Variants in DDX17 observed in about 807,000 individuals in gnomAD.
DDX17 encodes the protein DEAD-box helicase 17.
A neutral mutation model predicts 80.8 loss-of-function variants in DDX17; 10 were observed. The ratio of observed to expected loss-of-function variants is 0.12; its 90% confidence interval spans 0.08 to 0.21. DDX17 has a LOEUF of 0.21. Ranked by LOEUF, DDX17 falls within the 10% of genes least tolerant of loss-of-function variation. The pLI, the probability that DDX17 is intolerant of heterozygous loss-of-function variation, is 1.00. For missense variants in DDX17, 586 were observed against 957.4 expected, an observed-to-expected ratio of 0.61 and a Z score of 5.12; for synonymous variants, 339 against 336.2, an observed-to-expected ratio of 1.01 and a Z score of -0.09.
rs2089880613 is a variant in DDX17, at chr22:38,506,090, G to A, written c.148C>T (p.Pro50Ser). Residue 50 changes from proline to serine, a missense_variant, in exon 1 of 13, where the codon CCG (proline) becomes TCG (serine). By Grantham distance (74) the Pro-to-Ser change is moderately conservative. Around this residue, in one of 4 missense-constraint regions of DDX17, gnomAD observed 215 missense variants for 238.4 expected, o/e 0.90. Coordinates refer to ENST00000403230, the MANE Select transcript of DDX17 (RefSeq NM_006386.5). ...TCCGGTCTGGTGACGACCGATGGCGGCGGCGCCTCCGCTGTTGGGGCGGCG... is the reference window on the plus strand; with the variant it reads ...TCCGGTCTGGTGACGACCGATGGCGACGGCGCCTCCGCTGTTGGGGCGGCG... 2 of 1,578,416 alleles carry A rather than the reference G, an allele frequency of 1.3e-6. No individual in the cohort carries two copies. Among genetic ancestry groups the A allele is most frequent in the African/African-American group, 1.4e-5 (1 of 74,004 alleles).
In DDX17 at chr22:38,486,427, A is replaced by T; in HGVS notation, c.1698T>A (p.Arg566=). Reference sequence around the variant, plus strand: ...TGTTGGCTGAAGAAGTGGTCCGGTAACGAGAACGACCACCTAATGGGAAGA... The same window carrying T: ...TGTTGGCTGAAGAAGTGGTCCGGTATCGAGAACGACCACCTAATGGGAAGA... Residue 566 remains arginine, a synonymous_variant, in exon 13 of 13, where the codon CGT becomes CGA. Coordinates refer to ENST00000403230, the MANE Select transcript of DDX17 (RefSeq NM_006386.5). The T allele has an allele frequency of 6.2e-7, 1 of 1,608,404 alleles. No homozygotes were observed. Among genetic ancestry groups the T allele is most frequent in the African/African-American group, 1.3e-5 (1 of 74,916 alleles).
chr22:38,489,069 A>G lies in DDX17; in HGVS notation c.1448-954T>C, dbSNP rs1425885332. On this transcript the variant is annotated intron_variant, in intron 11 of 12. Transcript: ENST00000403230. This position sits in a 1 kb window ranked among gnomAD's most constrained non-coding sequence, Gnocchi z 4.6. Reference sequence around the variant, plus strand: ...TGCTTTCAGCTGAATGTATATTTTTACCTACTTAAACAAACAATTTTAAGA... The same window carrying G: ...TGCTTTCAGCTGAATGTATATTTTTGCCTACTTAAACAAACAATTTTAAGA... 2.0e-6 allele frequency: 2 copies of G among 984,010 alleles called. No homozygotes were observed. The highest frequency in any genetic ancestry group is 9.4e-5 in the South Asian group (2 of 21,270). 61.0% of individuals were successfully genotyped at this position (984,010 alleles called of 1,614,324 possible).
intron 4 of DDX17, 121 bp downstream of exon 4, chr22:38,498,319 A>G (rs1049006265): frequency 2.1e-5 from 30 of 1,443,970 alleles, no homozygotes; most frequent in Non-Finnish European, 2.4e-5. Flanking sequence ...CATATATTTA[A>G]TAACTAAAAT....
chr22:38,487,887 C>T lies in DDX17; in HGVS notation c.1676G>A (p.Gly559Glu). The change falls in exon 12 of 13, where the codon GGA becomes GAA. Residue 559 changes from glycine to glutamate, a missense_variant. Coordinates refer to ENST00000403230, the MANE Select transcript of DDX17 (RefSeq NM_006386.5). ...CCAGGACTTACCCTTACCCCCGCCTCCGCCGCCTCCTCTGTGGTCCACAAG... is the reference window on the plus strand; with the variant it reads ...CCAGGACTTACCCTTACCCCCGCCTTCGCCGCCTCCTCTGTGGTCCACAAG... The T allele has an allele frequency of 6.2e-7, 1 of 1,614,178 alleles. No individual in the cohort carries two copies. The highest frequency in any genetic ancestry group is 8.5e-7 in the Non-Finnish European group (1 of 1,180,042).
Position 38,489,343 on chromosome 22 carries a change from C to T in DDX17, c.1448-1228G>A. Reference sequence around the variant, plus strand: ...GCCTTCTGACACGGGACCACTGGAGCGCGGGGAGCATGCATCAAGGGTCCG... The same window carrying T: ...GCCTTCTGACACGGGACCACTGGAGTGCGGGGAGCATGCATCAAGGGTCCG... On this transcript the variant is annotated intron_variant, in intron 11 of 12. Transcript: ENST00000403230. The surrounding 1 kb of genome is among the most constrained non-coding windows in gnomAD (Gnocchi z 4.6). 4.1e-6 allele frequency: 4 copies of T among 985,708 alleles called. No homozygotes were observed. The highest frequency in any genetic ancestry group is 4.8e-6 in the Non-Finnish European group (4 of 829,922). 61.1% of individuals were successfully genotyped at this position (985,708 alleles called of 1,614,324 possible). A position where few individuals can be genotyped will look rare whatever the true frequency, so the allele number is the denominator to read the frequency against.
rs138448 is a variant in DDX17 at position 38,497,297 on chromosome 22, C to CAAAAAAAA, written c.738+780_738+787dup. Among the ~76,000 whole-genome samples, 10 of 36,166 alleles carry CAAAAAAAA rather than the reference C, an allele frequency of 2.8e-4. 1 individual carries two copies. Among genetic ancestry groups the CAAAAAAAA allele is most frequent in the Admixed American group, 5.2e-4 (1 of 1,928 alleles). 23.7% of individuals were successfully genotyped at this position (36,166 alleles called of 152,430 possible). A position where few individuals can be genotyped will look rare whatever the true frequency, so the allele number is the denominator to read the frequency against. On this transcript the variant is annotated intron_variant, in intron 5 of 12. Coordinates refer to ENST00000403230, the MANE Select transcript of DDX17 (RefSeq NM_006386.5). ...GGCAACCAAGAGCGAAACTCCATCT[C>CAAAAAAAA]AAAAAAAAAAAAAAAAAAAAAAAAA...
chr22:38,501,023 A>G, intron 2 of DDX17, 107 bp downstream of exon 2: 1 of 1,374,836 alleles, frequency 7.3e-7, no homozygotes, highest in Non-Finnish European at 9.7e-7. Context: ...AAATATCACC[A>G]CACTAGAATA....
At position 38,505,727 on chromosome 22, in the gene DDX17, C is replaced by A. The variant is rs530886793; in HGVS notation, c.287+224G>T. The A allele has an allele frequency of 1.1e-5, 6 of 539,168 alleles. No individual in the cohort carries two copies. The South Asian group carries it at 1.6e-4, about 14-fold the overall frequency. The allele number at this position is 539,168 out of a possible 1,614,324, so 33.4% of individuals were successfully genotyped here. On this transcript the variant is annotated intron_variant, in intron 1 of 12. Coordinates refer to ENST00000403230, the MANE Select transcript of DDX17 (RefSeq NM_006386.5). ...TGGGGCCGGGCCGCGCCACGACGGC[C>A]GTCCGCACGGAGAGGCCCAGCGTCG...
chr22:38,496,816 G>A (rs1402091175), intron 5 of DDX17, among the ~76,000 whole-genome samples: 3 of 151,964 alleles, frequency 2.0e-5, no homozygotes, highest in African/African-American at 7.3e-5. Flanking sequence ...AAAAATCAAG[G>A]TATCATATAC....
intron 1 of DDX17, 77 bp downstream of exon 1, chr22:38,505,874 C>T (rs1602690226): frequency 6.7e-7 from 1 of 1,492,310 alleles, no homozygotes; most frequent in Non-Finnish European, 9.0e-7. Context: ...CTCCCAGGCT[C>T]GCAGTCCGCC....
At chr22:38,488,423 C>G in intron 11 of DDX17, 1 of 1,240,504 alleles carries the variant, frequency 8.1e-7, no homozygotes, top group African/African-American at 1.5e-5. Context: ...AGGAGTTACA[C>G]CAATATTGGT....
chr22:38,503,639 G>A (rs2089852269), intron 1 of DDX17, among the ~76,000 whole-genome samples: 2 of 152,092 alleles, frequency 1.3e-5, no homozygotes, highest in South Asian at 2.1e-4. Context: ...GTACTCTCTG[G>A]TATACTATGC....
At chr22:38,505,002 G>A (rs1005608801) in intron 1 of DDX17, among the ~76,000 whole-genome samples, 5 of 152,288 alleles carry the variant, frequency 3.3e-5, no homozygotes, top group East Asian at 1.9e-4. Flanking sequence ...TCCTCCCCCC[G>A]GGTTCAAGCG....
In DDX17 at chr22:38,492,229, ATGAC is replaced by A. The variant is rs1030074970; in HGVS notation, c.1388-118_1388-115del. The A allele has an allele frequency of 3.5e-4, 268 of 775,676 alleles. 3 individuals are homozygous for A. The highest frequency in any genetic ancestry group is 2.3e-3 in the Admixed American group (79 of 33,660). 48.0% of individuals were successfully genotyped at this position (775,676 alleles called of 1,614,324 possible). A position where few individuals can be genotyped will look rare whatever the true frequency, so the allele number is the denominator to read the frequency against. On this transcript the variant is annotated intron_variant, in intron 10 of 12. Transcript: ENST00000403230. ...TGCCAGAAAATCCCAAGCTCTTGTA[ATGAC>A]TGACAGTGATTCTTTTGAAAATCTT...
chr22:38,488,837 G>C (rs2089687274), intron 11 of DDX17: 1 of 985,258 alleles, frequency 1.0e-6, no homozygotes, highest in Non-Finnish European at 1.2e-6. Flanking sequence ...CTGCCAAAAT[G>C]AGGATATTTT....
At chr22:38,499,990 CT>C (rs2089811000) in intron 2 of DDX17, among the ~76,000 whole-genome samples, 3 of 151,128 alleles carry the variant, frequency 2.0e-5, no homozygotes, top group African/African-American at 7.3e-5. Context: ...CATGGTGAAA[CT>C]CCGTCTCTAC....
intron 11 of DDX17, chr22:38,488,772 TTC>T (rs2089686912): frequency 1.0e-6 from 1 of 985,562 alleles, no homozygotes; most frequent in African/African-American, 1.7e-5. Flanking sequence ...TCTATCCCCT[TTC>T]AATTACAAGA....
rs191523555 is a variant in DDX17, at chr22:38,504,660, G to T, written c.287+1291C>A. ...AATAATTTTGTAAAAAGTGGCAACT[G>T]AAGTGCTTGAGACTAGTAAATCCAG... is the stretch of plus-strand genomic sequence containing the variant. On this transcript the variant is annotated intron_variant, in intron 1 of 12. Transcript: ENST00000403230. Among the ~76,000 whole-genome samples, 192 of 152,298 alleles carry T rather than the reference G, an allele frequency of 1.3e-3. 1 individual carries two copies. The highest frequency in any genetic ancestry group is 8.2e-3 in the Admixed American group (126 of 15,284).
In DDX17 at chr22:38,495,798, C is replaced by T. The variant is rs1024952206; in HGVS notation, c.878G>A (p.Arg293Lys). The change falls in exon 6 of 13, where the codon AGA (arginine) becomes AAA (lysine). Residue 293 changes from arginine (R) to lysine (K), a missense_variant and splice_region_variant. Coordinates refer to ENST00000403230, the MANE Select transcript of DDX17 (RefSeq NM_006386.5). ...TCTTTTACACTATATATTATTACCT[C>T]TTTCCAAGTCTCGAATCTGGGGACC... 6.3e-7 allele frequency: 1 copy of T among 1,596,666 alleles called. No homozygotes were observed. The highest frequency in any genetic ancestry group is 8.5e-7 in the Non-Finnish European group (1 of 1,172,502).
Sources: allele counts gnomAD v4.1 joint callset (sites outside exome capture counted in the v4.1 genomes callset), GRCh38; gene constraint gnomAD v4.1.1; regional missense constraint gnomAD v4.1.1; non-coding constraint Gnocchi (gnomAD v3.1); transcripts MANE v1.5; gene names NCBI Gene and HGNC (gene_info 2026-07-23, HGNC 2026-07-21).